Variants in LHX1 observed in about 807,000 individuals in gnomAD.
The protein encoded by LHX1 is LIM/homeobox protein Lhx1.
LHX1 carries 9 observed loss-of-function variants against 34.1 expected under a neutral mutation model. The observed-to-expected ratio is 0.26, with a 90% CI of 0.16 to 0.46. The LOEUF (loss-of-function observed/expected upper bound fraction) is 0.46. LHX1 is among the 20% of genes least tolerant of loss of function. The pLI is 1.00. For synonymous variants in LHX1, 254 were observed against 241.5 expected (o/e 1.05, Z -0.48); for missense variants, 446 against 559.1 (o/e 0.80, Z 2.04).
chr17:36,942,159 G>A (rs781782544), intron 3 of LHX1, 41 bp from the exon 4 acceptor site: 4 of 1,557,844 alleles, frequency 2.6e-6, no homozygotes, highest in Non-Finnish European at 2.6e-6. Flanking sequence ...GGGGTCGGGG[G>A]TGGAGTCTCG....
chr17:36,943,214 A>C lies in LHX1; in HGVS notation c.*83A>C. 2.1e-6 allele frequency: 3 copies of C among 1,440,968 alleles called. No individual in the cohort carries two copies. Among genetic ancestry groups the C allele is most frequent in the Non-Finnish European group, 2.8e-6 (3 of 1,070,268 alleles). The allele number at this position is 1,440,968 out of a possible 1,614,324, so 89.3% of individuals were successfully genotyped here. Reference sequence around the variant, plus strand: ...GAAAAATAGAAAAAAAAAAACATAAAAAGCAAGTCCCCACCCCCTTCCTCC... The same window carrying C: ...GAAAAATAGAAAAAAAAAAACATAACAAGCAAGTCCCCACCCCCTTCCTCC... On this transcript the variant is annotated 3_prime_UTR_variant, in exon 5 of 5. Transcript: ENST00000614239.
intron 3 of LHX1, chr17:36,941,514 C>A: frequency 3.4e-6 from 1 of 295,526 alleles, no homozygotes; most frequent in South Asian, 3.1e-5. Context: ...GTCTCTGGCT[C>A]AGTGCTAGGT....
intron 2 of LHX1, 28 bp downstream of exon 2, chr17:36,940,544 G>T: frequency 6.2e-7 from 1 of 1,613,736 alleles, no homozygotes; most frequent in African/African-American, 1.3e-5. Flanking sequence ...GGCTGGCTAG[G>T]TGCAAGCGGG....
Position 36,938,264 on chromosome 17 carries a change from G to A in LHX1, c.67G>A (p.Ala23Thr), listed in dbSNP as rs1478548563. The change falls in exon 1 of 5, where the codon GCC becomes ACC. Residue 23 changes from alanine (A) to threonine (T), a missense_variant. By Grantham distance (58) the Ala-to-Thr change is moderately conservative (BLOSUM62 0). Coordinates refer to ENST00000614239, the MANE Select transcript of LHX1 (RefSeq NM_005568.5). Reference sequence around the variant, plus strand: ...CTTTCTCTTGAACGTGCTGGACAGGGCCTGGCACGTCAAGTGCGTCCAGTG... The same window carrying A: ...CTTTCTCTTGAACGTGCTGGACAGGACCTGGCACGTCAAGTGCGTCCAGTG... ...DRFLLNVLDR[A>T]WHVKCVQCCE... 1.2e-6 allele frequency: 2 copies of A among 1,614,212 alleles called. No homozygotes were observed. The highest frequency in any genetic ancestry group is 3.3e-5 in the Admixed American group (2 of 60,036).
intron 1 of LHX1, among the ~76,000 whole-genome samples, chr17:36,939,162 A>G (rs1286686772): frequency 2.0e-5 from 3 of 152,116 alleles, no homozygotes; most frequent in African/African-American, 7.2e-5. Flanking sequence ...TGGTGGGGAG[A>G]CTTCTCCCTA....
chr17:36,939,545 C>A (rs1480822240), intron 1 of LHX1, among the ~76,000 whole-genome samples: 1 of 152,208 alleles, frequency 6.6e-6, no homozygotes, highest in Non-Finnish European at 1.5e-5. Context: ...CCTCCGCGGG[C>A]TGCCCGGTTT....
At chr17:36,940,580 G>C (rs745463317) in intron 2 of LHX1, 30 bp from the exon 3 acceptor site, 1 of 1,613,692 alleles carries the variant, frequency 6.2e-7, no homozygotes, top group South Asian at 1.1e-5. Context: ...GCTCGCCAAG[G>C]CCCCGGCTCA....
In LHX1 at chr17:36,943,307, T is replaced by G; in HGVS notation, c.*176T>G. The G allele has an allele frequency of 1.3e-6, 1 of 766,160 alleles. No individual in the cohort carries two copies. Among genetic ancestry groups the G allele is most frequent in the Non-Finnish European group, 2.0e-6 (1 of 503,874 alleles). 47.5% of individuals were successfully genotyped at this position (766,160 alleles called of 1,614,324 possible). The stretch of plus-strand genomic sequence containing the variant: ...AGGGGGACACGAAATAGGATCCAAA[T>G]CGGCCTCGAGGTGGGACTGGGATCC... On this transcript the variant is annotated 3_prime_UTR_variant, in exon 5 of 5. Coordinates refer to ENST00000614239, the MANE Select transcript of LHX1 (RefSeq NM_005568.5).
chr17:36,944,138 T>C lies in LHX1; in HGVS notation c.*1007T>C, dbSNP rs2070787413. ...TTGCAGGGCTTTCGGCTCACTGTGC[T>C]AGTATGTAAAAAGGTGTTGTTTACA... is the stretch of plus-strand genomic sequence containing the variant. On this transcript the variant is annotated 3_prime_UTR_variant, in exon 5 of 5. Coordinates refer to ENST00000614239, the MANE Select transcript of LHX1 (RefSeq NM_005568.5). The C allele has an allele frequency of 6.6e-6, 1 of 152,160 alleles. No homozygotes were observed. Among genetic ancestry groups the C allele is most frequent in the African/African-American group, 2.4e-5 (1 of 41,452 alleles). 9.4% of individuals were successfully genotyped at this position (152,160 alleles called of 1,614,324 possible).
At chr17:36,939,340 G>T (rs1025485155) in intron 1 of LHX1, among the ~76,000 whole-genome samples, 1 of 152,194 alleles carries the variant, frequency 6.6e-6, no homozygotes, top group African/African-American at 2.4e-5. Context: ...CTTGGTCTCT[G>T]CTTTTCTGAG....
At chr17:36,940,258 C>CCGGGGGGG (rs2142181533) in intron 1 of LHX1, 32 bp from the exon 2 acceptor site, 2 of 528,892 alleles carry the variant, frequency 3.8e-6, no homozygotes, top group East Asian at 3.5e-5. Context: ...GACCCATCCC[C>CCGGGGGGG]GCCCCCGCCC....
chr17:36,939,922 C>T lies in LHX1; in HGVS notation c.171-368C>T, dbSNP rs74612777. 424 of 418,480 alleles carry T rather than the reference C, an allele frequency of 1.0e-3. 4 individuals carry two copies. The East Asian group carries it at 0.018, about 18-fold the overall frequency. The allele number at this position is 418,480 out of a possible 1,614,324, so 25.9% of individuals were successfully genotyped here. ...TAATCGGAAAATAAGTGCCCCGTTC[C>T]CCCCGCCCACACAGGTCACTGCCTT... On this transcript the variant is annotated intron_variant, in intron 1 of 4. Transcript: ENST00000614239.
chr17:36,937,054 AAG>A, upstream of LHX1: 2 of 286,278 alleles, frequency 7.0e-6, no homozygotes, highest in South Asian at 5.0e-5. Flanking sequence ...AAAAAAAAAA[AAG>A]GAAGGAGGCT....
chr17:36,942,295 G>T lies in LHX1; in HGVS notation c.771G>T (p.Arg257=). ...ACGCCTTCTTCCGCAGTCCGCGCCG[G>T]ATGCGGCCGCTGGTGGACCGCCTGG... ...RRHAFFRSPR[R]MRPLVDRLEP... The change falls in exon 4 of 5, where the codon CGG becomes CGT. Residue 257 remains arginine (R), a synonymous_variant. Transcript: ENST00000614239. The T allele has an allele frequency of 1.3e-6, 2 of 1,594,972 alleles. No homozygotes were observed. The highest frequency in any genetic ancestry group is 1.7e-6 in the Non-Finnish European group (2 of 1,172,326).
intron 3 of LHX1, 114 bp from the exon 4 acceptor site, chr17:36,942,086 C>CT: frequency 1.3e-6 from 1 of 748,138 alleles, no homozygotes; most frequent in South Asian, 1.9e-5. Flanking sequence ...CACACACAAG[C>CT]GCGCGCGCGC....
Position 36,938,343 on chromosome 17 carries a change from T to C in LHX1, c.146T>C (p.Leu49Pro), listed in dbSNP as rs1567956389. Residue 49 changes from leucine (L) to proline (P), a missense_variant, in exon 1 of 5, where the codon CTC becomes CCC. By Grantham distance (98) the Leu-to-Pro change is moderately conservative. This residue lies in a region of LHX1 where 168 missense variants were observed against 226.6 expected (regional missense o/e 0.74). Coordinates refer to ENST00000614239, the MANE Select transcript of LHX1 (RefSeq NM_005568.5). The stretch of plus-strand genomic sequence containing the variant: ...AAGTGCTTCTCCAGGGAAGGCAAAC[T>C]CTACTGCAAGAACGACTTCTTCCGG... ...TEKCFSREGK[L>P]YCKNDFFRCF... 1 of 1,614,114 alleles carries C rather than the reference T, an allele frequency of 6.2e-7. No individual in the cohort carries two copies. The highest frequency in any genetic ancestry group is 8.5e-7 in the Non-Finnish European group (1 of 1,180,012).
rs1372356172 is a variant in LHX1 at position 36,942,816 on chromosome 17, C to A, written c.906C>A (p.Ser302=). The change falls in exon 5 of 5, where the codon TCC becomes TCA. Residue 302 remains serine, a synonymous_variant. Coordinates refer to ENST00000614239, the MANE Select transcript of LHX1 (RefSeq NM_005568.5). ...NYDFFPQGPP[S]SQAQTPVDLP... The stretch of plus-strand genomic sequence containing the variant: ...ACTTCTTCCCGCAAGGCCCCCCGTC[C>A]TCGCAGGCCCAGACACCAGTGGACC... The A allele has an allele frequency of 2.6e-6, 4 of 1,557,848 alleles. No homozygotes were observed. The highest frequency in any genetic ancestry group is 3.5e-6 in the Non-Finnish European group (4 of 1,148,244).
At chr17:36,941,044 A>C (rs2070761988) in intron 3 of LHX1, 157 bp downstream of exon 3, 1 of 1,100,446 alleles carries the variant, frequency 9.1e-7, no homozygotes, top group Non-Finnish European at 1.3e-6. Context: ...GACCTATGAA[A>C]TGCCTGATGC....
chr17:36,943,429 G>A lies in LHX1; in HGVS notation c.*298G>A. 5.7e-6 allele frequency: 2 copies of A among 350,558 alleles called. No homozygotes were observed. The highest frequency in any genetic ancestry group is 4.7e-5 in the Admixed American group (1 of 21,274). The allele number at this position is 350,558 out of a possible 1,614,324, so 21.7% of individuals were successfully genotyped here. On this transcript the variant is annotated 3_prime_UTR_variant, in exon 5 of 5. Transcript: ENST00000614239. ...GGACCCGGATCCGTAGACAGACCCC[G>A]CGGGCGTGTGCGCCTGGCAGGCGGG...
Sources: gnomAD v4.1 joint callset for allele counts (sites outside exome capture counted in the v4.1 genomes callset) on GRCh38, gnomAD v4.1.1 for gene constraint, gnomAD v4.1.1 regional missense constraint, MANE v1.5 for transcripts, NCBI Gene and HGNC (gene_info 2026-07-23, HGNC 2026-07-21) for gene names.